CDH8: variants seen among roughly 807,000 people sequenced by gnomAD.
The protein encoded by CDH8 is cadherin 8, also known as cadherin-8.
In CDH8, 17 loss-of-function variants were observed where a neutral mutation model predicts 68.1. The observed-to-expected ratio is 0.25, with a 90% CI of 0.17 to 0.37. The LOEUF (loss-of-function observed/expected upper bound fraction) is 0.37. CDH8 is among the 10% of genes least tolerant of loss of function. CDH8 has a pLI of 1.00. For synonymous variants in CDH8, 372 were observed against 365.1 expected, an observed-to-expected ratio of 1.02 and a Z score of -0.21; for missense variants, 763 against 999.3, an observed-to-expected ratio of 0.76 and a Z score of 3.19.
intron 2 of CDH8, among the ~76,000 whole-genome samples, chr16:61,960,985 C>T (rs565791075): frequency 9.9e-5 from 15 of 152,072 alleles, no homozygotes; most frequent in Non-Finnish European, 2.2e-4. Context: ...CTACAGGTCA[C>T]CCCGCCCCTT....
intron 8 of CDH8, among the ~76,000 whole-genome samples, chr16:61,765,719 C>T (rs1323677416): frequency 6.6e-6 from 1 of 151,788 alleles, no homozygotes; most frequent in African/African-American, 2.4e-5. Flanking sequence ...ATAATAGACC[C>T]GTAGAAATTT....
At chr16:61,757,342 A>G (rs1021202770) in intron 8 of CDH8, among the ~76,000 whole-genome samples, 2 of 152,132 alleles carry the variant, frequency 1.3e-5, no homozygotes, top group Non-Finnish European at 2.9e-5. Context: ...TTTAGGACTT[A>G]CAACTATTAA....
At chr16:61,747,173 A>C (rs1314649714) in intron 8 of CDH8, among the ~76,000 whole-genome samples, 1 of 152,124 alleles carries the variant, frequency 6.6e-6, no homozygotes, top group Non-Finnish European at 1.5e-5. Flanking sequence ...TGCATGTTAG[A>C]AAGGTAACTA....
In CDH8 at chr16:61,820,270, T is replaced by A. The variant is rs183638279; in HGVS notation, c.1023+656A>T. Among the ~76,000 whole-genome samples, 12 of 149,942 alleles carry A rather than the reference T, an allele frequency of 8.0e-5. No individual in the cohort carries two copies. In the Admixed American group the frequency reaches 8.0e-4, roughly 10 times the overall value. On this transcript the variant is annotated intron_variant, in intron 6 of 11. Coordinates refer to ENST00000577390, the MANE Select transcript of CDH8 (RefSeq NM_001796.5). ...AGGGTTGGCCCTGTCCTTCAGGGACTAGAGAAAGCCAGGATAACTGAACCT... is the reference window on the plus strand; with the variant it reads ...AGGGTTGGCCCTGTCCTTCAGGGACAAGAGAAAGCCAGGATAACTGAACCT...
chr16:61,976,206 C>A (rs1006434375), intron 2 of CDH8, among the ~76,000 whole-genome samples: 1 of 152,132 alleles, frequency 6.6e-6, no homozygotes, highest in African/African-American at 2.4e-5. Context: ...ATTAGCTGTG[C>A]AAATTTGGAG....
At chr16:61,965,407 A>G (rs953963082) in intron 2 of CDH8, among the ~76,000 whole-genome samples, 1 of 152,190 alleles carries the variant, frequency 6.6e-6, no homozygotes, top group Non-Finnish European at 1.5e-5. Context: ...TATCCAACAC[A>G]GGGCCAGGCG....
chr16:61,930,794 C>A (rs554420040), intron 2 of CDH8, among the ~76,000 whole-genome samples: 6 of 152,260 alleles, frequency 3.9e-5, no homozygotes, highest in African/African-American at 1.2e-4. Flanking sequence ...GATTTTCTAA[C>A]CACAATTTTG....
intron 8 of CDH8, among the ~76,000 whole-genome samples, chr16:61,782,461 G>A (rs982214346): frequency 4.0e-5 from 6 of 151,876 alleles, no homozygotes; most frequent in Admixed American, 3.9e-4. Flanking sequence ...CTCGCTGATT[G>A]CTAGCACAGC....
chr16:61,978,799 G>C (rs1597104516), intron 2 of CDH8, among the ~76,000 whole-genome samples: 1 of 152,246 alleles, frequency 6.6e-6, no homozygotes, highest in East Asian at 1.9e-4. Flanking sequence ...GCTACTTACA[G>C]TTGATTTTCC....
At chr16:61,777,173 C>T (rs1319491333) in intron 8 of CDH8, among the ~76,000 whole-genome samples, 1 of 152,108 alleles carries the variant, frequency 6.6e-6, no homozygotes, top group Non-Finnish European at 1.5e-5. Context: ...ATGACTTCTC[C>T]ATCCCTAAAG....
chr16:61,964,209 T>TTG (rs1315026386), intron 2 of CDH8, among the ~76,000 whole-genome samples: 1 of 152,180 alleles, frequency 6.6e-6, no homozygotes. Flanking sequence ...ACTGAAATAA[T>TTG]TGTGAGTTCT....
rs1264404625 is a variant in CDH8 at position 61,648,494 on chromosome 16, A to G, written c.*5114T>C. ...TAGCACTATATATAACTTAGTTTCT[A>G]TTTCTTATCATCAAAAGTCTCATAA... On this transcript the variant is annotated 3_prime_UTR_variant, in exon 12 of 12. Coordinates refer to ENST00000577390, the MANE Select transcript of CDH8 (RefSeq NM_001796.5). The G allele has an allele frequency of 1.3e-5, 2 of 151,718 alleles. No individual in the cohort carries two copies. Among genetic ancestry groups the G allele is most frequent in the Non-Finnish European group, 2.9e-5 (2 of 67,838 alleles). 9.4% of individuals were successfully genotyped at this position (151,718 alleles called of 1,614,324 possible).
chr16:61,653,889 T>G lies in CDH8; in HGVS notation c.2119A>C (p.Met707Leu), dbSNP rs112694296. 1 of 1,614,234 alleles carries G rather than the reference T, an allele frequency of 6.2e-7. No individual in the cohort carries two copies. Residue 707 changes from methionine to leucine, a missense_variant, in exon 12 of 12, where the codon ATG becomes CTG. Coordinates refer to ENST00000577390, the MANE Select transcript of CDH8 (RefSeq NM_001796.5). ...ACTGGAGCAAGCCCTTGCCTTGGCA[T>G]AAACTGCAAATCTGGTTTAATATCC... is the stretch of plus-strand genomic sequence containing the variant. Reference protein sequence around the residue: ...RKDIKPDLQFMPRQGLAPVPN... With the variant: ...RKDIKPDLQFLPRQGLAPVPN...
intron 2 of CDH8, among the ~76,000 whole-genome samples, chr16:61,978,460 CT>C (rs1230110223): frequency 6.6e-6 from 1 of 152,160 alleles, no homozygotes; most frequent in Non-Finnish European, 1.5e-5. Flanking sequence ...AAATAAAATG[CT>C]TGATGTTTGC....
chr16:61,967,642 CAG>C (rs1393259376), intron 2 of CDH8, among the ~76,000 whole-genome samples: 2 of 152,060 alleles, frequency 1.3e-5, no homozygotes, highest in African/African-American at 4.8e-5. Context: ...TTTGATGAAA[CAG>C]AGTTGTGACT....
At chr16:61,868,389 C>T (rs1373683377) in intron 3 of CDH8, among the ~76,000 whole-genome samples, 1 of 152,138 alleles carries the variant, frequency 6.6e-6, no homozygotes, top group African/African-American at 2.4e-5. Flanking sequence ...TAATGTAGCA[C>T]ATTGATCATG....
intron 3 of CDH8, among the ~76,000 whole-genome samples, chr16:61,894,771 C>T (rs1281403585): frequency 6.6e-6 from 1 of 152,104 alleles, no homozygotes; most frequent in Non-Finnish European, 1.5e-5. Flanking sequence ...AGTCGTTGTT[C>T]AAGGAGACTT....
intron 1 of CDH8, among the ~76,000 whole-genome samples, chr16:62,030,803 T>C (rs181794372): frequency 1.3e-5 from 2 of 152,166 alleles, no homozygotes; most frequent in Admixed American, 1.3e-4. Context: ...AATAAACACA[T>C]CCACAAAAGT....
rs1965077379 is a variant in CDH8, at chr16:61,960,026, AC to A, written c.253-58554del. Among the ~76,000 whole-genome samples the A allele has an allele frequency of 1.5e-4, 6 of 39,098 alleles. 2 individuals carry two copies. Among genetic ancestry groups the A allele is most frequent in the Non-Finnish European group, 1.7e-4 (4 of 23,228 alleles). The allele number at this position is 39,098 out of a possible 152,430, so 25.6% of individuals were successfully genotyped here. ...TATATATATATATATACACACATAC[AC>A]ACACACACACAACATATATGTATGT... On this transcript the variant is annotated intron_variant, in intron 2 of 11. Transcript: ENST00000577390.
Sources: allele counts gnomAD v4.1 joint callset (sites outside exome capture counted in the v4.1 genomes callset), GRCh38; gene constraint gnomAD v4.1.1; transcripts MANE v1.5; gene names NCBI Gene and HGNC (gene_info 2026-07-23, HGNC 2026-07-21).